The following ZFAND3 variants were observed in gnomAD, a reference collection of about 807,000 sequenced individuals.
The protein encoded by ZFAND3 is zinc finger AN1-type containing 3, also known as AN1-type zinc finger protein 3.
A neutral mutation model predicts 29.6 loss-of-function variants in ZFAND3; 10 were observed. The ratio of observed to expected loss-of-function variants is 0.34; its 90% CI spans 0.21 to 0.57. The LOEUF is 0.57. ZFAND3 is among the 20% of genes least tolerant of loss of function. The pLI, the probability that ZFAND3 is intolerant of heterozygous loss-of-function variation, is 0.86. For missense variants in ZFAND3, 230 were observed against 304.5 expected, an observed-to-expected ratio of 0.76 and a Z score of 1.82; for synonymous variants, 128 against 112.6, an observed-to-expected ratio of 1.14 and a Z score of -0.87.
intron 2 of ZFAND3, among the ~76,000 whole-genome samples, chr6:38,026,960 G>A (rs1331821883): frequency 6.6e-6 from 1 of 152,140 alleles, no homozygotes; most frequent in East Asian, 1.9e-4. Flanking sequence ...TGTTTACTAA[G>A]TAAGGAATAG....
At chr6:38,069,703 G>A (rs1023952473) in intron 3 of ZFAND3, among the ~76,000 whole-genome samples, 6 of 152,200 alleles carry the variant, frequency 3.9e-5, no homozygotes, top group Non-Finnish European at 4.4e-5. Context: ...AGATCATTAA[G>A]TTAATCTCTG....
intron 2 of ZFAND3, among the ~76,000 whole-genome samples, chr6:38,020,688 G>C (rs998575801): frequency 2.0e-5 from 3 of 152,154 alleles, no homozygotes; most frequent in Admixed American, 1.3e-4. Flanking sequence ...ATATTGTCCA[G>C]ATTGCTGTGG....
intron 1 of ZFAND3, among the ~76,000 whole-genome samples, chr6:37,843,356 G>A (rs531254566): frequency 1.3e-4 from 20 of 151,708 alleles, no homozygotes; most frequent in Middle Eastern, 3.4e-3. Context: ...GTGTGGTGGC[G>A]GGCACCTGTA....
chr6:37,922,990 G>C (rs1278998972), intron 1 of ZFAND3, among the ~76,000 whole-genome samples: 1 of 152,050 alleles, frequency 6.6e-6, no homozygotes, highest in African/African-American at 2.4e-5. Context: ...GCTTACTATA[G>C]CTTTTTTACC....
intron 2 of ZFAND3, among the ~76,000 whole-genome samples, chr6:38,024,324 A>G (rs1053555202): frequency 6.6e-6 from 1 of 151,888 alleles, no homozygotes; most frequent in Non-Finnish European, 1.5e-5. Flanking sequence ...ACAAAGAATT[A>G]GCCAGGCTTA....
chr6:38,085,468 GACAAAGGGCAC>G (rs1156701820), intron 4 of ZFAND3, among the ~76,000 whole-genome samples: 2 of 152,192 alleles, frequency 1.3e-5, no homozygotes, highest in African/African-American at 2.4e-5. Context: ...AGCCGTCTCT[GACAAAGGGCAC>G]ACAATGTACT....
intron 2 of ZFAND3, among the ~76,000 whole-genome samples, chr6:37,948,983 T>C (rs985388091): frequency 3.9e-5 from 6 of 152,220 alleles, no homozygotes; most frequent in African/African-American, 9.7e-5. Context: ...CCTTTAGGTA[T>C]ACAAACTCAG....
At position 38,012,891 on chromosome 6, in the gene ZFAND3, A is replaced by G. The variant is rs546773081; in HGVS notation, c.113-48702A>G. ...GGCTGAGGGGCTTGTTGTTTTTTAT[A>G]CAAAATTCTTTTTTGTATTATAAAA... On this transcript the variant is annotated intron_variant, in intron 2 of 5. Transcript: ENST00000287218. 8.5e-5 allele frequency among the ~76,000 whole-genome samples: 13 copies of G among 152,278 alleles called. No homozygotes were observed. In the South Asian group the frequency reaches 2.7e-3, roughly 32 times the overall value.
At chr6:37,843,541 CCTAT>C (rs1453473396) in intron 1 of ZFAND3, among the ~76,000 whole-genome samples, 1 of 151,876 alleles carries the variant, frequency 6.6e-6, no homozygotes, top group African/African-American at 2.4e-5. Flanking sequence ...TTTGTAAAAT[CCTAT>C]CTGTTTCTGT....
At chr6:38,145,881 C>T (rs1346339585) in intron 5 of ZFAND3, among the ~76,000 whole-genome samples, 1 of 152,202 alleles carries the variant, frequency 6.6e-6, no homozygotes, top group Non-Finnish European at 1.5e-5. Context: ...GCCCCTACCC[C>T]CTGCCTCTCT....
At chr6:38,032,369 G>A (rs1763578762) in intron 2 of ZFAND3, among the ~76,000 whole-genome samples, 1 of 152,148 alleles carries the variant, frequency 6.6e-6, no homozygotes. Context: ...TTCACCAATA[G>A]AAATAATTTT....
chr6:38,126,800 C>T (rs1287809133), intron 5 of ZFAND3, among the ~76,000 whole-genome samples: 2 of 151,068 alleles, frequency 1.3e-5, no homozygotes, highest in Non-Finnish European at 2.9e-5. Context: ...TGATATGTCT[C>T]TCTATTTAGG....
chr6:38,113,514 A>G (rs1171317784), intron 4 of ZFAND3, among the ~76,000 whole-genome samples: 1 of 152,208 alleles, frequency 6.6e-6, no homozygotes. Flanking sequence ...TAGTGTTGCT[A>G]TTGAATGCCC....
At chr6:37,941,862 G>A (rs551451480) in intron 2 of ZFAND3, among the ~76,000 whole-genome samples, 33 of 152,240 alleles carry the variant, frequency 2.2e-4, no homozygotes, top group Non-Finnish European at 4.0e-4. Context: ...TATCAGTTTG[G>A]TTGAGTTATG....
chr6:37,922,713 C>T (rs1054441244), intron 1 of ZFAND3, among the ~76,000 whole-genome samples: 3 of 152,144 alleles, frequency 2.0e-5, no homozygotes, highest in African/African-American at 7.2e-5. Context: ...ATATTGAATA[C>T]TGTAGGCAGT....
intron 1 of ZFAND3, among the ~76,000 whole-genome samples, chr6:37,856,878 A>T (rs935796561): frequency 6.6e-6 from 1 of 152,120 alleles, no homozygotes; most frequent in African/African-American, 2.4e-5. Flanking sequence ...ACAAATTATT[A>T]AAAAAGCTGA....
chr6:37,935,443 A>G (rs966078558), intron 2 of ZFAND3, among the ~76,000 whole-genome samples: 1 of 152,202 alleles, frequency 6.6e-6, no homozygotes, highest in African/African-American at 2.4e-5. Flanking sequence ...ATTTTATGAC[A>G]TAGTTATGGC....
At chr6:37,941,206 A>G (rs932878630) in intron 2 of ZFAND3, among the ~76,000 whole-genome samples, 2 of 152,354 alleles carry the variant, frequency 1.3e-5, no homozygotes, top group Middle Eastern at 3.4e-3. Context: ...ACTTGGATCT[A>G]ATCTCCACTG....
At chr6:38,122,046 A>G (rs575317324) in intron 5 of ZFAND3, among the ~76,000 whole-genome samples, 24 of 152,296 alleles carry the variant, frequency 1.6e-4, no homozygotes, top group African/African-American at 5.8e-4. Flanking sequence ...CTATAAGTGA[A>G]GCCACCTCCT....
Sources: allele counts gnomAD v4.1 joint callset (sites outside exome capture counted in the v4.1 genomes callset), GRCh38; gene constraint gnomAD v4.1.1; transcripts MANE v1.5; gene names NCBI Gene and HGNC (gene_info 2026-07-23, HGNC 2026-07-21).